Variants in RNF38 observed in about 807,000 individuals in gnomAD.
RNF38 encodes the protein E3 ubiquitin-protein ligase RNF38.
Under a neutral mutation model 67.2 loss-of-function variants are expected in RNF38, and 15 were observed. That is an observed-to-expected ratio of 0.22 (90% CI 0.15 to 0.34). The LOEUF (loss-of-function observed/expected upper bound fraction) is 0.34. Ranked by LOEUF, RNF38 falls within the 10% of genes least tolerant of loss-of-function variation. The pLI, the probability that RNF38 is intolerant of heterozygous loss-of-function variation, is 1.00. For missense variants in RNF38, 524 were observed against 639.9 expected (o/e 0.82, Z 1.95); for synonymous variants, 220 against 218.8 (o/e 1.01, Z -0.05).
intron 4 of RNF38, among the ~76,000 whole-genome samples, chr9:36,361,456 T>C (rs1049243266): frequency 1.3e-5 from 2 of 151,690 alleles, no homozygotes; most frequent in South Asian, 2.1e-4. Flanking sequence ...AGCCACCACG[T>C]CTGGCCAGAT....
chr9:36,460,452 C>T (rs1839700643), intron 1 of RNF38, among the ~76,000 whole-genome samples: 1 of 152,006 alleles, frequency 6.6e-6, no homozygotes, highest in Non-Finnish European at 1.5e-5. Flanking sequence ...GTGCCTGCCC[C>T]GACCCCATCA....
intron 2 of RNF38, among the ~76,000 whole-genome samples, chr9:36,409,626 C>T (rs1374496601): frequency 1.3e-5 from 2 of 152,224 alleles, no homozygotes; most frequent in Non-Finnish European, 2.9e-5. Flanking sequence ...ATGACACACA[C>T]CCTGCTATAG....
chr9:36,399,818 A>G (rs1691169639), intron 1 of RNF38, among the ~76,000 whole-genome samples: 1 of 152,216 alleles, frequency 6.6e-6, no homozygotes, highest in Admixed American at 6.5e-5. Context: ...GCTATTGAAA[A>G]AAATTTACGG....
intron 1 of RNF38, among the ~76,000 whole-genome samples, chr9:36,428,482 TA>T (rs1838847558): frequency 6.6e-6 from 1 of 150,828 alleles, no homozygotes; most frequent in Admixed American, 6.6e-5. Context: ...TATACACGTA[TA>T]AATTCAATTT....
chr9:36,401,299 C>G (rs1245914328), upstream of RNF38: 1 of 827,034 alleles, frequency 1.2e-6, no homozygotes, highest in Non-Finnish European at 1.5e-6. Flanking sequence ...CGCAGCCCCG[C>G]CCCAGCCCGC....
At chr9:36,347,545 G>A (rs560783119) in intron 9 of RNF38, among the ~76,000 whole-genome samples, 2 of 152,146 alleles carry the variant, frequency 1.3e-5, no homozygotes, top group South Asian at 4.2e-4. Flanking sequence ...CGTTACTATT[G>A]CACTTGTTTT....
In RNF38 at chr9:36,447,244, G is replaced by A. The variant is rs372865967; in HGVS notation, n.242-22561C>T. On this transcript the variant is annotated intron_variant and non_coding_transcript_variant, in intron 1 of 3. Coordinates refer to the RNF38 transcript ENST00000488058. ...AGCCCAATTTTAGATGACTCCTCCT[G>A]TATTTACACAGACCTCTGCATACAC... Among the ~76,000 whole-genome samples the A allele has an allele frequency of 4.6e-5, 7 of 152,076 alleles. No homozygotes were observed. The East Asian group carries it at 1.2e-3, about 25-fold the overall frequency.
chr9:36,450,198 AC>A (rs1281888148), intron 1 of RNF38, among the ~76,000 whole-genome samples: 1 of 152,146 alleles, frequency 6.6e-6, no homozygotes, highest in Non-Finnish European at 1.5e-5. Flanking sequence ...TATTTCCAAA[AC>A]TTTTTTGTTG....
At chr9:36,352,317 A>C (rs1833754191) in intron 8 of RNF38, among the ~76,000 whole-genome samples, 1 of 152,068 alleles carries the variant, frequency 6.6e-6, no homozygotes, top group South Asian at 2.1e-4. Context: ...ATTAAAAAAA[A>C]AAAACAACAA....
At chr9:36,368,280 T>C (rs1377411507) in intron 4 of RNF38, among the ~76,000 whole-genome samples, 1 of 152,166 alleles carries the variant, frequency 6.6e-6, no homozygotes, top group African/African-American at 2.4e-5. Context: ...AATGTTTTCA[T>C]ATTCCAATAT....
chr9:36,472,992 C>T (rs1316085879), intron 1 of RNF38, among the ~76,000 whole-genome samples: 3 of 152,112 alleles, frequency 2.0e-5, no homozygotes, highest in East Asian at 1.9e-4. Context: ...ATTAGCCAGG[C>T]GTAGTGGCAC....
At chr9:36,441,124 G>C (rs1298623791) in intron 1 of RNF38, among the ~76,000 whole-genome samples, 1 of 152,074 alleles carries the variant, frequency 6.6e-6, no homozygotes, top group African/African-American at 2.4e-5. Flanking sequence ...GAAAGAAAAA[G>C]CTCAATGGAA....
chr9:36,377,714 G>T (rs904019167), intron 2 of RNF38, among the ~76,000 whole-genome samples: 8 of 152,040 alleles, frequency 5.3e-5, no homozygotes, highest in African/African-American at 1.9e-4. Context: ...ATATAAAATG[G>T]TGTCGTATTT....
At chr9:36,426,014 A>G (rs1054818855) in intron 1 of RNF38, among the ~76,000 whole-genome samples, 3 of 152,168 alleles carry the variant, frequency 2.0e-5, no homozygotes, top group Non-Finnish European at 4.4e-5. Flanking sequence ...ACATTTTAAG[A>G]TATTATTAAT....
chr9:36,380,580 C>T (rs1393677903), intron 2 of RNF38, among the ~76,000 whole-genome samples: 2 of 152,154 alleles, frequency 1.3e-5, no homozygotes, highest in Non-Finnish European at 2.9e-5. Context: ...GCAACCTCCA[C>T]ATCCCGGGCT....
chr9:36,453,986 G>A, intron 1 of RNF38, among the ~76,000 whole-genome samples: 1 of 152,154 alleles, frequency 6.6e-6, no homozygotes, highest in East Asian at 1.9e-4. Context: ...GCATAAAATT[G>A]CCACTCTAAT....
At chr9:36,460,592 T>C (rs1015364810) in intron 1 of RNF38, among the ~76,000 whole-genome samples, 14 of 151,542 alleles carry the variant, frequency 9.2e-5, no homozygotes, top group African/African-American at 3.4e-4. Context: ...TTCACACATA[T>C]AAAGAAAAAA....
intron 4 of RNF38, among the ~76,000 whole-genome samples, chr9:36,362,054 C>G (rs1177737731): frequency 1.3e-5 from 2 of 152,052 alleles, no homozygotes; most frequent in East Asian, 3.9e-4. Context: ...GGAAATAGTA[C>G]ATTTTAAAAT....
chr9:36,433,830 A>G (rs1319833629), intron 1 of RNF38, among the ~76,000 whole-genome samples: 1 of 152,210 alleles, frequency 6.6e-6, no homozygotes, highest in East Asian at 1.9e-4. Context: ...ATAACACACT[A>G]TATTGGAGAA....
Sources: allele counts gnomAD v4.1 joint callset (sites outside exome capture counted in the v4.1 genomes callset), GRCh38; gene constraint gnomAD v4.1.1; transcripts MANE v1.5; gene names NCBI Gene and HGNC (gene_info 2026-07-23, HGNC 2026-07-21).